Variants in LCMT1 observed in about 807,000 individuals in gnomAD.
LCMT1 encodes the protein [Phosphatase 2A protein]-leucine-carboxy methyltransferase 1.
LCMT1 carries 32 observed loss-of-function variants against 47.7 expected under a neutral mutation model. The ratio of observed to expected loss-of-function variants is 0.67; its 90% CI spans 0.51 to 0.90. The LOEUF (loss-of-function observed/expected upper bound fraction) is 0.90, where lower values mean the gene tolerates loss of function less well. Among genes scored for constraint, LCMT1 ranks in the 40% least tolerant of loss-of-function variants. The pLI is 0.00. For missense variants in LCMT1, 375 were observed against 415.2 expected (o/e 0.90, Z 0.84); for synonymous variants, 152 against 149.7 (o/e 1.02, Z -0.11).
Position 25,111,830 on chromosome 16 carries a change from T to A in LCMT1, c.-54T>A. The A allele has an allele frequency of 8.0e-7, 1 of 1,256,156 alleles. No individual in the cohort carries two copies. The highest frequency in any genetic ancestry group is 1.1e-6 in the Non-Finnish European group (1 of 875,392). 77.8% of individuals were successfully genotyped at this position (1,256,156 alleles called of 1,614,324 possible). A position where few individuals can be genotyped will look rare whatever the true frequency, so the allele number is the denominator to read the frequency against. ...GGCTCGCGCCGTCCCCCGCCGCCCG[T>A]CGACCCCGCTTCCATGTCCCTGGCG... On this transcript the variant is annotated 5_prime_UTR_variant, in exon 1 of 11. Coordinates refer to ENST00000399069, the MANE Select transcript of LCMT1 (RefSeq NM_016309.3).
chr16:25,159,346 T>A (rs2141694875), intron 5 of LCMT1, among the ~76,000 whole-genome samples: 1 of 152,370 alleles, frequency 6.6e-6, no homozygotes, highest in East Asian at 1.9e-4. Flanking sequence ...CATAGCTCAC[T>A]GCAGCCTTGA....
Position 25,131,136 on chromosome 16 carries a change from T to A in LCMT1, c.206-1266T>A, listed in dbSNP as rs189476300. Among the ~76,000 whole-genome samples, 3 of 152,384 alleles carry A rather than the reference T, an allele frequency of 2.0e-5. No homozygotes were observed. The East Asian group carries it at 5.8e-4, about 29-fold the overall frequency. The stretch of plus-strand genomic sequence containing the variant: ...TGACCAAATGACTATAATTCTTGTG[T>A]GTGCAGGGAATCTTGGCTCTCAAGT... On this transcript the variant is annotated intron_variant, in intron 2 of 10. Transcript: ENST00000399069.
intron 1 of LCMT1, among the ~76,000 whole-genome samples, chr16:25,121,436 C>T (rs989638441): frequency 2.0e-5 from 3 of 152,054 alleles, no homozygotes; most frequent in African/African-American, 7.2e-5. Flanking sequence ...ATATCAATTT[C>T]AAATTATTTT....
chr16:25,123,882 C>G (rs1335354800), intron 1 of LCMT1, among the ~76,000 whole-genome samples: 1 of 151,992 alleles, frequency 6.6e-6, no homozygotes, highest in Non-Finnish European at 1.5e-5. Flanking sequence ...ATGCTGGGAT[C>G]ACAAGCGTGA....
chr16:25,134,207 G>A (rs1338345012), intron 3 of LCMT1, among the ~76,000 whole-genome samples: 1 of 152,090 alleles, frequency 6.6e-6, no homozygotes, highest in Non-Finnish European at 1.5e-5. Flanking sequence ...CCCCTAATCA[G>A]TTCACCTGAT....
At chr16:25,170,390 T>C (rs277893) in intron 8 of LCMT1, among the ~76,000 whole-genome samples, 1 of 151,756 alleles carries the variant, frequency 6.6e-6, no homozygotes, top group African/African-American at 2.4e-5. Flanking sequence ...ATATGGAAAG[T>C]TGGAAAGTTA....
chr16:25,140,666 G>A, intron 4 of LCMT1: 1 of 166,538 alleles, frequency 6.0e-6, no homozygotes. Context: ...AGGCTGGGCT[G>A]GGCAAAGCAC....
chr16:25,117,967 T>C (rs1157732302), intron 1 of LCMT1, among the ~76,000 whole-genome samples: 1 of 152,150 alleles, frequency 6.6e-6, no homozygotes, highest in African/African-American at 2.4e-5. Context: ...ATGAGGGAAT[T>C]ATTTGGCTAA....
intron 7 of LCMT1, among the ~76,000 whole-genome samples, chr16:25,168,202 C>T (rs1379235736): frequency 2.0e-5 from 3 of 151,996 alleles, no homozygotes; most frequent in Non-Finnish European, 4.4e-5. Flanking sequence ...GCACGTGCCA[C>T]TGCGCCTGGC....
At chr16:25,126,796 A>G (rs915693465) in intron 1 of LCMT1, among the ~76,000 whole-genome samples, 3 of 152,214 alleles carry the variant, frequency 2.0e-5, no homozygotes, top group African/African-American at 4.8e-5. Context: ...TTGGGGAACT[A>G]GTAGTCAAGC....
chr16:25,161,359 C>CTTT (rs377602015), intron 6 of LCMT1, among the ~76,000 whole-genome samples, 155 bp downstream of exon 6: 1 of 141,920 alleles, frequency 7.0e-6, no homozygotes, highest in African/African-American at 2.6e-5. Flanking sequence ...GAAAAAAATT[C>CTTT]TTTTTTTTTT....
intron 3 of LCMT1, among the ~76,000 whole-genome samples, chr16:25,134,544 T>C (rs1346790035): frequency 3.3e-5 from 5 of 152,094 alleles, no homozygotes; most frequent in African/African-American, 9.7e-5. Flanking sequence ...GCCTCTGTGG[T>C]TTTTCAGGAG....
intron 3 of LCMT1, among the ~76,000 whole-genome samples, chr16:25,132,829 G>A (rs1242117225): frequency 6.6e-6 from 1 of 151,274 alleles, no homozygotes; most frequent in African/African-American, 2.4e-5. Context: ...AGAATTGCTG[G>A]AATGGAGAGC....
Position 25,153,137 on chromosome 16 carries a change from C to T in LCMT1, c.466+1522C>T, listed in dbSNP as rs549058575. On this transcript the variant is annotated intron_variant, in intron 5 of 10. Coordinates refer to ENST00000399069, the MANE Select transcript of LCMT1 (RefSeq NM_016309.3). Reference sequence around the variant, plus strand: ...GCAAGGAGTCTAGGCTTTTTCTAGCCCACTCCTCCAGATTCTTCCAACCTC... The same window carrying T: ...GCAAGGAGTCTAGGCTTTTTCTAGCTCACTCCTCCAGATTCTTCCAACCTC... Among the ~76,000 whole-genome samples the T allele has an allele frequency of 3.1e-4, 47 of 152,122 alleles. 1 individual carries two copies. Among genetic ancestry groups the T allele is most frequent in the African/African-American group, 1.1e-3 (46 of 41,500 alleles).
chr16:25,178,160 T>C lies in LCMT1; in HGVS notation c.*137T>C, dbSNP rs750155330. 4.2e-6 allele frequency: 3 copies of C among 707,254 alleles called. No homozygotes were observed. Among genetic ancestry groups the C allele is most frequent in the Admixed American group, 2.5e-5 (1 of 39,304 alleles). 43.8% of individuals were successfully genotyped at this position (707,254 alleles called of 1,614,324 possible). On this transcript the variant is annotated 3_prime_UTR_variant, in exon 11 of 11. Transcript: ENST00000399069. ...TCTTGAGAAGCCTTGGTCACTACAGTGGTCGCACATGTTCCTCTTCCTGTT... is the reference window on the plus strand; with the variant it reads ...TCTTGAGAAGCCTTGGTCACTACAGCGGTCGCACATGTTCCTCTTCCTGTT...
intron 1 of LCMT1, among the ~76,000 whole-genome samples, chr16:25,121,779 C>T (rs954325358): frequency 5.9e-5 from 9 of 152,206 alleles, no homozygotes; most frequent in African/African-American, 2.2e-4. Flanking sequence ...ATCCAGTTAC[C>T]TCCACTTGGT....
chr16:25,133,710 T>G (rs1960421302), intron 3 of LCMT1, among the ~76,000 whole-genome samples: 1 of 150,574 alleles, frequency 6.6e-6, no homozygotes, highest in Non-Finnish European at 1.5e-5. Flanking sequence ...TGGGCTTAGA[T>G]TTTAATAGCC....
chr16:25,160,720 G>A, intron 5 of LCMT1: 2 of 517,716 alleles, frequency 3.9e-6, no homozygotes, highest in South Asian at 2.8e-5. Flanking sequence ...GGAATGCTAT[G>A]AAATCATTAT....
Position 25,174,976 on chromosome 16 carries a change from G to A in LCMT1, c.924G>A (p.Leu308=), listed in dbSNP as rs896758381. ...SLEFLDEMEL[L]EQLMRHYCLC... Reference sequence around the variant, plus strand: ...AATTCCTGGATGAAATGGAGCTGCTGGAGCAGCTCATGCGGCATTACTGCC... The same window carrying A: ...AATTCCTGGATGAAATGGAGCTGCTAGAGCAGCTCATGCGGCATTACTGCC... The change falls in exon 10 of 11, where the codon CTG becomes CTA. Residue 308 remains leucine (L), a synonymous_variant. Coordinates refer to ENST00000399069, the MANE Select transcript of LCMT1 (RefSeq NM_016309.3). 1.1e-5 allele frequency: 18 copies of A among 1,607,872 alleles called. No homozygotes were observed. Among genetic ancestry groups the A allele is most frequent in the Non-Finnish European group, 1.4e-5 (17 of 1,175,266 alleles).
Sources: gnomAD v4.1 joint callset for allele counts (sites outside exome capture counted in the v4.1 genomes callset) on GRCh38, gnomAD v4.1.1 for gene constraint, MANE v1.5 for transcripts, NCBI Gene and HGNC (gene_info 2026-07-23, HGNC 2026-07-21) for gene names.